GAB2: variants seen among roughly 807,000 people sequenced by gnomAD.
GAB2 encodes GRB2-associated-binding protein 2.
A neutral mutation model predicts 65.5 loss-of-function variants in GAB2; 26 were observed. That is an observed-to-expected ratio of 0.40 (90% confidence interval 0.29 to 0.55). GAB2 has a LOEUF of 0.55. Ranked by LOEUF, GAB2 falls within the 20% of genes least tolerant of loss-of-function variation. GAB2 has a pLI of 0.53. For synonymous variants in GAB2, 321 were observed against 329.6 expected, an observed-to-expected ratio of 0.97 and a Z score of 0.28; for missense variants, 884 against 875.8, an observed-to-expected ratio of 1.01 and a Z score of -0.12.
At chr11:78,219,714 T>A (rs1190768356) in intron 9 of GAB2, among the ~76,000 whole-genome samples, 1 of 152,144 alleles carries the variant, frequency 6.6e-6, no homozygotes, top group East Asian at 1.9e-4. Context: ...CAGGCCTTCA[T>A]CTCTGCCTCC....
chr11:78,294,313 C>T (rs113222191), intron 1 of GAB2, among the ~76,000 whole-genome samples: 2,468 of 152,198 alleles, frequency 0.016, 66 homozygotes, highest in African/African-American at 0.056. Flanking sequence ...TCCAGTCTAT[C>T]GTTGTTGGAC....
At chr11:78,276,761 A>G (rs1195323840) in intron 2 of GAB2, among the ~76,000 whole-genome samples, 1 of 152,250 alleles carries the variant, frequency 6.6e-6, no homozygotes, top group East Asian at 1.9e-4. Context: ...GAAGTCCTAT[A>G]CAGTAAAAGG....
intron 3 of GAB2, among the ~76,000 whole-genome samples, chr11:78,247,723 A>C (rs897810721): frequency 3.3e-5 from 5 of 152,112 alleles, no homozygotes; most frequent in African/African-American, 1.2e-4. Flanking sequence ...TTTTGTCCAG[A>C]GTTTATAATT....
At chr11:78,316,174 G>C (rs1855599700) in intron 1 of GAB2, among the ~76,000 whole-genome samples, 1 of 152,112 alleles carries the variant, frequency 6.6e-6, no homozygotes, top group Admixed American at 6.5e-5. Flanking sequence ...CTGACTTAAA[G>C]GCTGCACTGT....
At chr11:78,230,841 T>C (rs1433384215) in intron 3 of GAB2, among the ~76,000 whole-genome samples, 1 of 152,232 alleles carries the variant, frequency 6.6e-6, no homozygotes, top group East Asian at 1.9e-4. Flanking sequence ...ATAATCTAGA[T>C]GGGGAATTCC....
chr11:78,261,059 G>T (rs1186232140), intron 2 of GAB2, among the ~76,000 whole-genome samples: 1 of 143,490 alleles, frequency 7.0e-6, no homozygotes, highest in Non-Finnish European at 1.5e-5. Context: ...CTCTATATAT[G>T]TATGTATGTA....
At chr11:78,393,694 C>A (rs73502951) in intron 1 of GAB2, among the ~76,000 whole-genome samples, 4,196 of 152,136 alleles carry the variant, frequency 0.028, 164 homozygotes, top group African/African-American at 0.089. Flanking sequence ...TATAAAATAG[C>A]GGAAAATAGT....
intron 1 of GAB2, among the ~76,000 whole-genome samples, chr11:78,356,596 G>C (rs1188354270): frequency 2.0e-5 from 3 of 152,138 alleles, no homozygotes; most frequent in Non-Finnish European, 1.5e-5. Flanking sequence ...GAGCAATTAA[G>C]TTAGCCTAGA....
intron 1 of GAB2, among the ~76,000 whole-genome samples, chr11:78,367,902 C>T (rs916812762): frequency 1.3e-5 from 2 of 150,592 alleles, no homozygotes; most frequent in Non-Finnish European, 3.0e-5. Context: ...CTGCAAGCTC[C>T]GCCTCCCGGA....
At chr11:78,244,492 A>C (rs1419249060) in intron 3 of GAB2, among the ~76,000 whole-genome samples, 1 of 152,094 alleles carries the variant, frequency 6.6e-6, no homozygotes, top group Non-Finnish European at 1.5e-5. Flanking sequence ...AACCTACTGA[A>C]TGGGAGAAAG....
intron 1 of GAB2, among the ~76,000 whole-genome samples, chr11:78,413,632 A>C (rs1394007454): frequency 6.6e-6 from 1 of 152,148 alleles, no homozygotes; most frequent in African/African-American, 2.4e-5. Context: ...TTTATCCCTG[A>C]AAAAAAGTAG....
intron 1 of GAB2, among the ~76,000 whole-genome samples, chr11:78,370,237 A>T (rs1166028918): frequency 1.5e-5 from 2 of 137,828 alleles, no homozygotes; most frequent in African/African-American, 5.5e-5. Context: ...AGCCTGGGCG[A>T]CAGAGCGAGA....
intron 2 of GAB2, among the ~76,000 whole-genome samples, chr11:78,274,222 C>T (rs1866101501): frequency 6.6e-6 from 1 of 152,146 alleles, no homozygotes; most frequent in South Asian, 2.1e-4. Context: ...TGTGCCACTG[C>T]ACTCCAGCCT....
chr11:78,371,204 T>C (rs1022047698), intron 1 of GAB2, among the ~76,000 whole-genome samples: 1 of 152,202 alleles, frequency 6.6e-6, no homozygotes, highest in African/African-American at 2.4e-5. Flanking sequence ...GTATACAGAA[T>C]AGAACTTTAA....
rs562716088 is a variant in GAB2, at chr11:78,398,945, C to A, written c.75+18701G>T. 3.9e-5 allele frequency among the ~76,000 whole-genome samples: 6 copies of A among 152,324 alleles called. 1 individual carries two copies. In the South Asian group the frequency reaches 1.2e-3, roughly 32 times the overall value. ...AGGCTCCTGCTGGTTAAAGATAGGA[C>A]AATCTGACTTTCAATAAGGATAACA... On this transcript the variant is annotated intron_variant, in intron 1 of 9. Coordinates refer to ENST00000361507, the MANE Select transcript of GAB2 (RefSeq NM_080491.3).
At chr11:78,354,419 T>C (rs1856326482) in intron 1 of GAB2, among the ~76,000 whole-genome samples, 1 of 152,086 alleles carries the variant, frequency 6.6e-6, no homozygotes, top group Non-Finnish European at 1.5e-5. Context: ...ATATGTATTG[T>C]ATCATATATG....
chr11:78,222,871 G>A (rs1393077075), intron 6 of GAB2, among the ~76,000 whole-genome samples: 1 of 152,208 alleles, frequency 6.6e-6, no homozygotes, highest in African/African-American at 2.4e-5. Context: ...GCGTACAGGC[G>A]TGAGCCATGG....
intron 2 of GAB2, among the ~76,000 whole-genome samples, chr11:78,273,064 A>G (rs1039866514): frequency 2.0e-5 from 3 of 152,248 alleles, no homozygotes; most frequent in Non-Finnish European, 4.4e-5. Context: ...GGAAGTATGG[A>G]TGCCCAGGCA....
chr11:78,297,556 C>CA (rs1231518318), intron 1 of GAB2, among the ~76,000 whole-genome samples: 1 of 152,034 alleles, frequency 6.6e-6, no homozygotes, highest in Non-Finnish European at 1.5e-5. Flanking sequence ...GGGAGTAGCT[C>CA]AGGCAGGGAG....
Sources: gnomAD v4.1 joint callset for allele counts (sites outside exome capture counted in the v4.1 genomes callset) on GRCh38, gnomAD v4.1.1 for gene constraint, MANE v1.5 for transcripts, NCBI Gene and HGNC (gene_info 2026-07-23, HGNC 2026-07-21) for gene names.